RNLS: variants seen among roughly 807,000 people sequenced by gnomAD.
The protein encoded by RNLS is renalase, FAD dependent amine oxidase.
Under a neutral mutation model 39.8 loss-of-function variants are expected in RNLS, and 39 were observed. The observed-to-expected ratio is 0.98, with a 90% confidence interval of 0.76 to 1.28. The LOEUF is 1.28. Ranked by LOEUF, RNLS falls within the 50% of genes most tolerant of loss-of-function variation. The probability of loss-of-function intolerance (pLI) is 0.00; values close to 1 mark genes in which losing one functional copy is unlikely to be tolerated. For synonymous variants in RNLS, 147 were observed against 150.7 expected (o/e 0.98, Z 0.18); for missense variants, 410 against 413.3 (o/e 0.99, Z 0.07).
intron 4 of RNLS, among the ~76,000 whole-genome samples, chr10:88,435,485 A>G (rs1855419410): frequency 6.6e-6 from 1 of 152,318 alleles, no homozygotes; most frequent in African/African-American, 2.4e-5. Flanking sequence ...AATTAAAATT[A>G]TAAGTAAACA....
chr10:88,286,035 G>A (rs1471457455), intron 6 of RNLS, among the ~76,000 whole-genome samples: 2 of 152,094 alleles, frequency 1.3e-5, no homozygotes, highest in African/African-American at 2.4e-5. Context: ...GGATCTGCCA[G>A]TGCCTTGATC....
intron 6 of RNLS, among the ~76,000 whole-genome samples, chr10:88,276,780 A>C (rs557764303): frequency 6.6e-6 from 1 of 152,186 alleles, no homozygotes; most frequent in Non-Finnish European, 1.5e-5. Flanking sequence ...ATGGACTTAA[A>C]ATTATTTTTT....
rs1392174952 is a variant in RNLS at position 88,309,553 on chromosome 10, C to T, written c.876+4913G>A. The T allele has an allele frequency of 1.2e-5, 11 of 891,760 alleles. No homozygotes were observed. The Admixed American group carries it at 2.6e-4, about 21-fold the overall frequency. The allele number at this position is 891,760 out of a possible 1,614,324, so 55.2% of individuals were successfully genotyped here. On this transcript the variant is annotated intron_variant, in intron 6 of 6. Coordinates refer to ENST00000331772, the MANE Select transcript of RNLS (RefSeq NM_001031709.3). ...TTACTCCTTTTAACTCCTAGCAGTA[C>T]TATGGGTAACTGAGGTAATCAGCTG...
chr10:88,437,176 T>C (rs770165846), intron 4 of RNLS, among the ~76,000 whole-genome samples: 1 of 152,232 alleles, frequency 6.6e-6, no homozygotes, highest in Non-Finnish European at 1.5e-5. Context: ...GGGAAAGTGA[T>C]AGACTGTTGG....
chr10:88,545,132 G>A (rs1359500096), intron 4 of RNLS, among the ~76,000 whole-genome samples: 4 of 151,408 alleles, frequency 2.6e-5, no homozygotes, highest in East Asian at 1.9e-4. Flanking sequence ...TAGCTGGAGC[G>A]ATTCTTCTAA....
intron 6 of RNLS, among the ~76,000 whole-genome samples, chr10:88,293,928 T>G (rs1445821502): frequency 6.6e-6 from 1 of 152,196 alleles, no homozygotes; most frequent in Non-Finnish European, 1.5e-5. Context: ...GTATAAAACA[T>G]GTTTCCCAGA....
At chr10:88,339,550 A>G (rs1847776207) in intron 5 of RNLS, among the ~76,000 whole-genome samples, 1 of 152,152 alleles carries the variant, frequency 6.6e-6, no homozygotes, top group South Asian at 2.1e-4. Flanking sequence ...AATAGGGATA[A>G]TAATATTTAC....
At chr10:88,212,077 G>A in the RNLS span, among the ~76,000 whole-genome samples, 1 of 152,144 alleles carries the variant, frequency 6.6e-6, no homozygotes, top group East Asian at 1.9e-4. Flanking sequence ...TCCTGGCCAT[G>A]GATTCAAATT....
At chr10:88,206,884 T>C in the RNLS span, among the ~76,000 whole-genome samples, 1 of 152,120 alleles carries the variant, frequency 6.6e-6, no homozygotes, top group Non-Finnish European at 1.5e-5. Context: ...ATACATTATG[T>C]GTTGTGAAGT....
At chr10:88,546,619 C>T (rs12249510) in intron 4 of RNLS, among the ~76,000 whole-genome samples, 66,749 of 151,790 alleles carry the variant, frequency 0.44, 15,819 homozygotes, top group African/African-American at 0.62. Context: ...GAGAAACTTC[C>T]GATAATGACA....
the RNLS span, among the ~76,000 whole-genome samples, chr10:88,214,498 CAAAAAAAA>C: frequency 9.5e-3 from 1,277 of 135,094 alleles, 6 homozygotes; most frequent in Middle Eastern, 0.027. Context: ...GACTCCGTCT[CAAAAAAAA>C]AAAAAAAAAA....
chr10:88,385,894 C>T (rs1249001788), intron 4 of RNLS, among the ~76,000 whole-genome samples: 6 of 152,188 alleles, frequency 3.9e-5, no homozygotes, highest in African/African-American at 1.4e-4. Context: ...GCTGTTTGGG[C>T]TTGCAAAACT....
chr10:88,564,967 T>C (rs1384223411), intron 4 of RNLS, among the ~76,000 whole-genome samples: 2 of 152,094 alleles, frequency 1.3e-5, no homozygotes, highest in Non-Finnish European at 2.9e-5. Context: ...CTTATGTTAA[T>C]CCTAAAGGCT....
the RNLS span, among the ~76,000 whole-genome samples, chr10:88,176,198 C>T: frequency 4.9e-4 from 74 of 150,138 alleles, no homozygotes; most frequent in African/African-American, 1.4e-3. Context: ...TTTTTTGAGA[C>T]GGAGTCTTGC....
Position 88,576,920 on chromosome 10 carries a change from A to G in RNLS, c.368-3859T>C, listed in dbSNP as rs1850244584. On this transcript the variant is annotated intron_variant, in intron 3 of 6. Transcript: ENST00000331772. Reference sequence around the variant, plus strand: ...TAGGTAGATGATAAAATAAAAACAAATAAATGCAGCAACAGCCCTCCCTAT... The same window carrying G: ...TAGGTAGATGATAAAATAAAAACAAGTAAATGCAGCAACAGCCCTCCCTAT... Among the ~76,000 whole-genome samples the G allele has an allele frequency of 3.9e-5, 6 of 152,168 alleles. No individual in the cohort carries two copies. The South Asian group carries it at 1.2e-3, about 32-fold the overall frequency.
intron 6 of RNLS, among the ~76,000 whole-genome samples, chr10:88,301,537 G>C (rs1410735620): frequency 6.6e-6 from 1 of 152,132 alleles, no homozygotes; most frequent in Non-Finnish European, 1.5e-5. Flanking sequence ...ATTTCTTGTT[G>C]GGAAATGTTG....
chr10:88,307,224 G>A (rs1844988737), intron 6 of RNLS, among the ~76,000 whole-genome samples: 3 of 152,124 alleles, frequency 2.0e-5, no homozygotes, highest in Non-Finnish European at 4.4e-5. Flanking sequence ...ATACTGGATG[G>A]GCAAAAGCTA....
At chr10:88,448,793 A>C (rs2133885194) in intron 4 of RNLS, among the ~76,000 whole-genome samples, 1 of 152,354 alleles carries the variant, frequency 6.6e-6, no homozygotes, top group Non-Finnish European at 1.5e-5. Context: ...AATGTGGCAC[A>C]TATACACCAT....
At chr10:88,367,276 C>T (rs187058785) in intron 4 of RNLS, among the ~76,000 whole-genome samples, 4 of 152,118 alleles carry the variant, frequency 2.6e-5, no homozygotes, top group African/African-American at 9.6e-5. Context: ...ATTCCAACAT[C>T]ATAGATTACT....
Sources: allele counts gnomAD v4.1 joint callset (sites outside exome capture counted in the v4.1 genomes callset), GRCh38; gene constraint gnomAD v4.1.1; transcripts MANE v1.5; gene names NCBI Gene and HGNC (gene_info 2026-07-23, HGNC 2026-07-21).